Variants in KDM2B observed in about 807,000 individuals in gnomAD.
The protein encoded by KDM2B is lysine-specific demethylase 2B.
A neutral mutation model predicts 150.0 loss-of-function variants in KDM2B; 26 were observed. That is an observed-to-expected ratio of 0.17 (90% CI 0.13 to 0.24). The LOEUF is 0.24. Ranked by LOEUF, KDM2B falls within the 10% of genes least tolerant of loss-of-function variation. The pLI, the probability that KDM2B is intolerant of heterozygous loss-of-function variation, is 1.00. For synonymous variants in KDM2B, 734 were observed against 729.5 expected, an observed-to-expected ratio of 1.01 and a Z score of -0.10; for missense variants, 1,265 against 1,816.9, an observed-to-expected ratio of 0.70 and a Z score of 5.52.
At chr12:121,525,059 C>A (rs560667286) in intron 8 of KDM2B, among the ~76,000 whole-genome samples, 57 of 152,180 alleles carry the variant, frequency 3.7e-4, no homozygotes, top group Non-Finnish European at 8.1e-4. Context: ...GGACACCTCA[C>A]AGACGCCCAC....
At chr12:121,540,030 G>A (rs1369689465) in intron 6 of KDM2B, among the ~76,000 whole-genome samples, 3 of 152,048 alleles carry the variant, frequency 2.0e-5, no homozygotes, top group African/African-American at 7.2e-5. Flanking sequence ...ATGAGCCACC[G>A]CAGCTCGCCT....
chr12:121,571,758 C>A (rs1555315990), intron 4 of KDM2B, among the ~76,000 whole-genome samples: 1 of 151,264 alleles, frequency 6.6e-6, no homozygotes, highest in Admixed American at 6.6e-5. Context: ...TCAAGAGATT[C>A]TCCTGCCTCA....
rs368739398 is a variant in KDM2B at position 121,493,052 on chromosome 12, T to A, written c.1734+1527A>T. Among the ~76,000 whole-genome samples, 114 of 139,510 alleles carry A rather than the reference T, an allele frequency of 8.2e-4. No individual in the cohort carries two copies. In the South Asian group the frequency reaches 0.02, roughly 24 times the overall value. The allele number at this position is 139,510 out of a possible 152,430, so 91.5% of individuals were successfully genotyped here. A position where few individuals can be genotyped will look rare whatever the true frequency, so the allele number is the denominator to read the frequency against. ...CTGGGACTACAGGCATGCACTATCA[T>A]GCCTGGCTTTTTTTTTTTTTTTTTT... On this transcript the variant is annotated intron_variant, in intron 12 of 22. Coordinates refer to ENST00000377071, the MANE Select transcript of KDM2B (RefSeq NM_032590.5).
At chr12:121,441,277 C>T (rs782584161) in intron 19 of KDM2B, 44 bp from the exon 20 acceptor site, 2 of 1,593,118 alleles carry the variant, frequency 1.3e-6, no homozygotes, top group Non-Finnish European at 1.7e-6. Flanking sequence ...AGGTGGGGCT[C>T]CTCTAGGGAG....
At chr12:121,556,368 G>A (rs1402833446) in intron 4 of KDM2B, among the ~76,000 whole-genome samples, 1 of 152,000 alleles carries the variant, frequency 6.6e-6, no homozygotes, top group Admixed American at 6.6e-5. Context: ...GCTACAGGCT[G>A]GATTATTTAG....
intron 7 of KDM2B, 111 bp downstream of exon 7, chr12:121,534,386 G>C (rs918108826): frequency 1.3e-6 from 1 of 759,202 alleles, no homozygotes; most frequent in African/African-American, 1.8e-5. Flanking sequence ...AAGTACTCCT[G>C]GGGCAGGGCT....
At chr12:121,411,961 C>T in the KDM2B span, among the ~76,000 whole-genome samples, 1 of 152,148 alleles carries the variant, frequency 6.6e-6, no homozygotes, top group African/African-American at 2.4e-5. Flanking sequence ...AAAAATGTAA[C>T]GTGCAAACTA....
At position 121,430,831 on chromosome 12, in the gene KDM2B, A is replaced by T. The variant is rs1352415458; in HGVS notation, c.3830-362T>A. Among the ~76,000 whole-genome samples the T allele has an allele frequency of 1.3e-5, 2 of 152,030 alleles. No homozygotes were observed. The highest frequency in any genetic ancestry group is 2.9e-5 in the Non-Finnish European group (2 of 68,006). ...TCAAGTAGCTTGCTTTTCTCATCTA[A>T]TATGTTGTTGATGAGTACTGCTCTA... On this transcript the variant is annotated intron_variant, in intron 22 of 22. Transcript: ENST00000377071. This position sits in a 1 kb window ranked among gnomAD's most constrained non-coding sequence, Gnocchi z 4.4.
the KDM2B span, chr12:121,419,769 G>A: frequency 6.5e-6 from 1 of 153,086 alleles, no homozygotes; most frequent in South Asian, 2.0e-4. Context: ...GAAAGCCTTC[G>A]TTGGAATTAG....
At chr12:121,519,389 G>T (rs1172489454) in intron 9 of KDM2B, among the ~76,000 whole-genome samples, 1 of 152,156 alleles carries the variant, frequency 6.6e-6, no homozygotes, top group Non-Finnish European at 1.5e-5. Flanking sequence ...AGCCATCTCA[G>T]AAGCAAATCC....
intron 10 of KDM2B, among the ~76,000 whole-genome samples, chr12:121,511,261 G>A (rs940306630): frequency 6.7e-5 from 10 of 150,270 alleles, no homozygotes; most frequent in East Asian, 2.0e-4. Context: ...CACCCGCCTC[G>A]GCCTCCCAAA....
Position 121,549,482 on chromosome 12 carries a change from T to C in KDM2B, c.554A>G (p.His185Arg), listed in dbSNP as rs1386189587. The part of the protein sequence containing the change: ...SLEFSHTKLE[H>R]LVKRPTVVDL... ...TACCACAGTCGGACGCTTGACCAAG[T>C]GCTCCAGCTTGGTGTGGCTGAACTC... The change falls in exon 5 of 23, where the codon CAC becomes CGC. Residue 185 changes from histidine (H) to arginine (R), a missense_variant. His to Arg is a conservative substitution (Grantham distance 29). Transcript: ENST00000377071. This position sits in a 1 kb window ranked among gnomAD's most constrained non-coding sequence, Gnocchi z 4.4. The C allele has an allele frequency of 1.2e-6, 2 of 1,604,538 alleles. No homozygotes were observed. Among genetic ancestry groups the C allele is most frequent in the African/African-American group, 1.3e-5 (1 of 74,716 alleles).
chr12:121,426,958 A>G (rs1272443545), downstream of KDM2B, among the ~76,000 whole-genome samples: 1 of 152,062 alleles, frequency 6.6e-6, no homozygotes, highest in Admixed American at 6.6e-5. Context: ...TAAATAGGTC[A>G]TGTCATATGG....
At chr12:121,446,315 G>A (rs12582182) in intron 13 of KDM2B, among the ~76,000 whole-genome samples, 70,189 of 152,042 alleles carry the variant, frequency 0.46, 16,313 homozygotes, top group African/African-American at 0.51. Flanking sequence ...GGAGAATGGC[G>A]TGAACCCGGA....
At chr12:121,422,138 A>T in the KDM2B span, among the ~76,000 whole-genome samples, 5 of 152,174 alleles carry the variant, frequency 3.3e-5, no homozygotes, top group Non-Finnish European at 7.3e-5. Context: ...TCCCACCCTT[A>T]AGTACTTTGC....
Position 121,444,001 on chromosome 12 carries a change from C to T in KDM2B, c.2451+11G>A. On this transcript the variant is annotated intron_variant, in intron 16 of 22. Coordinates refer to ENST00000377071, the MANE Select transcript of KDM2B (RefSeq NM_032590.5). ...CAACCCCTTTGCCTCCCAGCCCCTC[C>T]TGGTCCGTACCCGCTTGCGTCCACT... The T allele has an allele frequency of 6.3e-7, 1 of 1,597,462 alleles. No individual in the cohort carries two copies. Among genetic ancestry groups the T allele is most frequent in the Non-Finnish European group, 8.5e-7 (1 of 1,169,928 alleles).
intron 12 of KDM2B, among the ~76,000 whole-genome samples, chr12:121,481,151 C>T (rs78620926): frequency 0.03 from 4,606 of 152,028 alleles, 140 homozygotes; most frequent in East Asian, 0.13. Context: ...GGCTGGTCTC[C>T]AATTCCAGAC....
At chr12:121,527,211 A>C (rs1213876544) in intron 8 of KDM2B, among the ~76,000 whole-genome samples, 1 of 146,856 alleles carries the variant, frequency 6.8e-6, no homozygotes, top group Non-Finnish European at 1.5e-5. Flanking sequence ...CGCCACGCCC[A>C]GATAATTTTT....
Position 121,442,299 on chromosome 12 carries a change from TG to T in KDM2B, c.3141del (p.Ile1048SerfsTer60). Reference sequence around the variant, plus strand: ...GGTAGCGAGTCAGGCGGGGGGCTGATGGGGGGTGGCCGGATCACATGGCGCT... The same window carrying T: ...GGTAGCGAGTCAGGCGGGGGGCTGATGGGGGTGGCCGGATCACATGGCGCT... ...QMERHVIRPPPISPPPDSLPL... is the reference protein window; with the variant it reads ...QMERHVIRPPXISPPPDSLPL... On this transcript the variant is annotated frameshift_variant, in exon 19 of 23. Coordinates refer to ENST00000377071, the MANE Select transcript of KDM2B (RefSeq NM_032590.5). LOFTEE classifies it high-confidence loss of function. This position sits in a 1 kb window ranked among gnomAD's most constrained non-coding sequence, Gnocchi z 7.7. 6.5e-7 allele frequency: 1 copy of T among 1,527,402 alleles called. No homozygotes were observed. Among genetic ancestry groups the T allele is most frequent in the Non-Finnish European group, 8.8e-7 (1 of 1,131,804 alleles). The allele number at this position is 1,527,402 out of a possible 1,614,324, so 94.6% of individuals were successfully genotyped here. A position where few individuals can be genotyped will look rare whatever the true frequency, so the allele number is the denominator to read the frequency against.
Sources: gnomAD v4.1 joint callset for allele counts (sites outside exome capture counted in the v4.1 genomes callset) on GRCh38, gnomAD v4.1.1 for gene constraint, Gnocchi (gnomAD v3.1) non-coding constraint, MANE v1.5 for transcripts, NCBI Gene and HGNC (gene_info 2026-07-23, HGNC 2026-07-21) for gene names.